AKAP19: variants seen among roughly 807,000 people sequenced by gnomAD.
The protein encoded by AKAP19 is A-kinase anchoring protein 19.
At chr2:190,121,903 T>C in the AKAP19 span, among the ~76,000 whole-genome samples, 1 of 152,202 alleles carries the variant, frequency 6.6e-6, no homozygotes, top group Admixed American at 6.5e-5. Context: ...TTTGTTTGTT[T>C]GTTTGTTTTA....
the AKAP19 span, among the ~76,000 whole-genome samples, chr2:190,175,473 C>T: frequency 6.6e-6 from 1 of 152,204 alleles, no homozygotes; most frequent in Admixed American, 6.5e-5. Flanking sequence ...TAGTCTCATG[C>T]TCTGCATTAA....
the AKAP19 span, among the ~76,000 whole-genome samples, chr2:189,918,456 T>C: frequency 6.6e-6 from 1 of 152,164 alleles, no homozygotes; most frequent in Admixed American, 6.5e-5. Flanking sequence ...GACTCAATTA[T>C]ATTGACTAGA....
the AKAP19 span, among the ~76,000 whole-genome samples, chr2:189,891,505 G>A: frequency 6.6e-6 from 1 of 152,014 alleles, no homozygotes; most frequent in Non-Finnish European, 1.5e-5. Flanking sequence ...TTACAGATGT[G>A]AGCCACCAAA....
At chr2:189,946,231 G>A in the AKAP19 span, among the ~76,000 whole-genome samples, 19 of 152,266 alleles carry the variant, frequency 1.2e-4, no homozygotes, top group East Asian at 1.5e-3. Context: ...AATATATAGC[G>A]TAAAATAGCA....
chr2:190,025,477 A>C, the AKAP19 span, among the ~76,000 whole-genome samples: 1 of 152,188 alleles, frequency 6.6e-6, no homozygotes, highest in African/African-American at 2.4e-5. Flanking sequence ...TGACAATTAC[A>C]TATAGTAATG....
chr2:189,906,764 G>A, the AKAP19 span, among the ~76,000 whole-genome samples: 1 of 151,774 alleles, frequency 6.6e-6, no homozygotes, highest in Non-Finnish European at 1.5e-5. Context: ...TTGGTTTAAA[G>A]TTTCTATGTA....
chr2:190,058,781 G>A, the AKAP19 span, among the ~76,000 whole-genome samples: 1 of 151,938 alleles, frequency 6.6e-6, no homozygotes, highest in Non-Finnish European at 1.5e-5. Context: ...TTACAAGTGC[G>A]AGCTAAGCTA....
At chr2:190,022,787 G>C in the AKAP19 span, among the ~76,000 whole-genome samples, 3 of 151,872 alleles carry the variant, frequency 2.0e-5, no homozygotes, top group Non-Finnish European at 4.4e-5. Context: ...TGTTATAAAT[G>C]GGGTCTCAAG....
At chr2:189,976,490 A>C in the AKAP19 span, among the ~76,000 whole-genome samples, 2 of 151,774 alleles carry the variant, frequency 1.3e-5, no homozygotes, top group African/African-American at 4.8e-5. Context: ...GAGAACCACT[A>C]CTCTCTTCAA....
the AKAP19 span, among the ~76,000 whole-genome samples, chr2:190,171,558 T>TTA: frequency 2.0e-5 from 3 of 152,352 alleles, no homozygotes; most frequent in Admixed American, 6.5e-5. Flanking sequence ...GCTAATAACC[T>TTA]TACCTTGCTT....
chr2:190,104,000 T>C, the AKAP19 span, among the ~76,000 whole-genome samples: 1 of 152,114 alleles, frequency 6.6e-6, no homozygotes, highest in East Asian at 1.9e-4. Context: ...CATAGACCAA[T>C]GGAACAGAAT....
At chr2:189,999,493 A>G in the AKAP19 span, among the ~76,000 whole-genome samples, 1 of 152,104 alleles carries the variant, frequency 6.6e-6, no homozygotes, top group African/African-American at 2.4e-5. Context: ...TAGTACACAC[A>G]TTTGTCACTT....
the AKAP19 span, among the ~76,000 whole-genome samples, chr2:189,985,481 G>C: frequency 6.6e-6 from 1 of 152,164 alleles, no homozygotes; most frequent in Non-Finnish European, 1.5e-5. Context: ...CTGGATAGTC[G>C]GGAATGCATA....
chr2:189,942,504 G>T, the AKAP19 span, among the ~76,000 whole-genome samples: 4 of 152,286 alleles, frequency 2.6e-5, no homozygotes, highest in East Asian at 7.7e-4. Flanking sequence ...GGTACCAGAA[G>T]TGGGGCTTTA....
At chr2:189,935,769 C>T in the AKAP19 span, among the ~76,000 whole-genome samples, 1 of 152,070 alleles carries the variant, frequency 6.6e-6, no homozygotes, top group Non-Finnish European at 1.5e-5. Context: ...AATAGGAATT[C>T]AATGACTTGT....
the AKAP19 span, among the ~76,000 whole-genome samples, chr2:190,110,763 G>A: frequency 2.0e-5 from 3 of 152,186 alleles, no homozygotes; most frequent in African/African-American, 4.8e-5. Flanking sequence ...GTTGGAGAAT[G>A]AAATGCTTCT....
chr2:190,002,596 G>T, the AKAP19 span, among the ~76,000 whole-genome samples: 1 of 152,110 alleles, frequency 6.6e-6, no homozygotes, highest in Non-Finnish European at 1.5e-5. Flanking sequence ...AATTCATGGG[G>T]TCTAGATAGC....
the AKAP19 span, among the ~76,000 whole-genome samples, chr2:189,880,111 G>A: frequency 2.0e-5 from 3 of 152,120 alleles, no homozygotes; most frequent in Non-Finnish European, 4.4e-5. Context: ...GGCTCAGTTT[G>A]TAGGAATTGC....
the AKAP19 span, among the ~76,000 whole-genome samples, chr2:190,036,814 T>C: frequency 2.0e-5 from 3 of 152,210 alleles, no homozygotes; most frequent in African/African-American, 7.2e-5. Flanking sequence ...GCATAACAGA[T>C]TAAGTTAAAA....
Sources: allele counts gnomAD v4.1 joint callset (sites outside exome capture counted in the v4.1 genomes callset), GRCh38; gene constraint gnomAD v4.1.1; transcripts MANE v1.5; gene names NCBI Gene and HGNC (gene_info 2026-07-23, HGNC 2026-07-21).